The following ALDH1A2 variants were observed in gnomAD, a reference collection of about 807,000 sequenced individuals.
ALDH1A2 encodes aldehyde dehydrogenase 1 family member A2.
A neutral mutation model predicts 60.3 loss-of-function variants in ALDH1A2; 27 were observed. That is an observed-to-expected ratio of 0.45 (90% CI 0.33 to 0.62). The LOEUF (loss-of-function observed/expected upper bound fraction) is 0.62. Ranked by LOEUF, ALDH1A2 falls within the 20% of genes least tolerant of loss-of-function variation. The pLI is 0.02. For missense variants in ALDH1A2, 581 were observed against 643.8 expected (o/e 0.90, Z 1.06); for synonymous variants, 289 against 232.4 (o/e 1.24, Z -2.21).
At chr15:57,975,995 ATAC>A (rs1380475708) in intron 7 of ALDH1A2, among the ~76,000 whole-genome samples, 6 of 152,362 alleles carry the variant, frequency 3.9e-5, no homozygotes, top group African/African-American at 7.2e-5. Context: ...TATATCAATT[ATAC>A]TACAATAAAG....
At chr15:58,014,038 C>T in intron 2 of ALDH1A2, 40 bp from the exon 3 acceptor site, 1 of 1,614,012 alleles carries the variant, frequency 6.2e-7, no homozygotes, top group Non-Finnish European at 8.5e-7. Flanking sequence ...AAAAACACTC[C>T]AAATAAAGGA....
chr15:57,975,360 A>C lies in ALDH1A2; in HGVS notation c.799-9533T>G, dbSNP rs552800244. Among the ~76,000 whole-genome samples, 34 of 152,364 alleles carry C rather than the reference A, an allele frequency of 2.2e-4. No individual in the cohort carries two copies. In the South Asian group the frequency reaches 6.4e-3, roughly 29 times the overall value. ...AAATGGATAAATCCAAATGTTCATC[A>C]TTGGCTGAATGGCTATTAAACCTGA... On this transcript the variant is annotated intron_variant, in intron 7 of 12. Coordinates refer to ENST00000249750, the MANE Select transcript of ALDH1A2 (RefSeq NM_003888.4).
At chr15:58,033,682 CTTT>C (rs5812918) in intron 1 of ALDH1A2, among the ~76,000 whole-genome samples, 25 of 134,510 alleles carry the variant, frequency 1.9e-4, no homozygotes, top group Admixed American at 3.7e-4. Context: ...TGTTAGGACT[CTTT>C]TTTTTTTTTT....
chr15:57,973,881 T>G (rs570933989), intron 7 of ALDH1A2, among the ~76,000 whole-genome samples: 27 of 152,222 alleles, frequency 1.8e-4, no homozygotes, highest in Non-Finnish European at 2.6e-4. Flanking sequence ...AATAGGCTAC[T>G]TAATATTTTA....
At position 57,980,569 on chromosome 15, in the gene ALDH1A2, A is replaced by C. The variant is rs576082502; in HGVS notation, c.798+12136T>G. 1.1e-5 allele frequency: 3 copies of C among 275,432 alleles called. No individual in the cohort carries two copies. In the East Asian group the frequency reaches 3.0e-4, roughly 27 times the overall value. 17.1% of individuals were successfully genotyped at this position (275,432 alleles called of 1,614,324 possible). The stretch of plus-strand genomic sequence containing the variant: ...GAAGCTCTGCCTCCTTCTGGGGGTC[A>C]TATTTGGGCAGGAGCCAGTTCTTGA... On this transcript the variant is annotated intron_variant, in intron 7 of 12. Coordinates refer to ENST00000249750, the MANE Select transcript of ALDH1A2 (RefSeq NM_003888.4).
intron 1 of ALDH1A2, among the ~76,000 whole-genome samples, chr15:58,041,945 C>A (rs983608630): frequency 6.6e-6 from 1 of 151,824 alleles, no homozygotes; most frequent in African/African-American, 2.4e-5. Context: ...GTTATGTAAA[C>A]GTGATGTCTC....
chr15:58,038,737 A>T (rs1410543453), intron 1 of ALDH1A2, among the ~76,000 whole-genome samples: 1 of 151,758 alleles, frequency 6.6e-6, no homozygotes, highest in Non-Finnish European at 1.5e-5. Context: ...ATTGTGGTAG[A>T]AGGCAATGGG....
intron 7 of ALDH1A2, chr15:57,980,218 G>A (rs990057174): frequency 3.1e-6 from 1 of 323,600 alleles, no homozygotes; most frequent in African/African-American, 2.2e-5. Context: ...AGTATTTGAT[G>A]CCAATGTCCA....
intron 9 of ALDH1A2, among the ~76,000 whole-genome samples, chr15:57,962,856 T>C (rs1311475592): frequency 6.6e-6 from 1 of 152,202 alleles, no homozygotes; most frequent in Non-Finnish European, 1.5e-5. Context: ...ACCCATGCTT[T>C]AGTGACCCAT....
At chr15:58,006,217 T>G (rs1895452701) in intron 4 of ALDH1A2, among the ~76,000 whole-genome samples, 1 of 151,898 alleles carries the variant, frequency 6.6e-6, no homozygotes, top group African/African-American at 2.4e-5. Flanking sequence ...GTCTTACGCC[T>G]TTGCATCCTC....
At chr15:58,011,558 C>T (rs904907116) in intron 3 of ALDH1A2, among the ~76,000 whole-genome samples, 8 of 152,142 alleles carry the variant, frequency 5.3e-5, no homozygotes, top group Non-Finnish European at 8.8e-5. Context: ...ATGAAATTAA[C>T]AAACATGTTT....
chr15:58,026,595 G>T (rs1367566011), intron 1 of ALDH1A2, among the ~76,000 whole-genome samples: 1 of 152,198 alleles, frequency 6.6e-6, no homozygotes, highest in Non-Finnish European at 1.5e-5. Context: ...CAAGGGGTCA[G>T]GGGATTTCCC....
At chr15:57,969,967 TCTC>T (rs774867221) in intron 7 of ALDH1A2, among the ~76,000 whole-genome samples, 38 of 152,228 alleles carry the variant, frequency 2.5e-4, no homozygotes, top group African/African-American at 8.2e-4. Context: ...GAAAGCCACT[TCTC>T]CTCCTGGGTC....
intron 7 of ALDH1A2, among the ~76,000 whole-genome samples, chr15:57,986,314 A>G (rs1894698318): frequency 6.6e-6 from 1 of 152,154 alleles, no homozygotes; most frequent in South Asian, 2.1e-4. Flanking sequence ...CTGACCAGAC[A>G]GATAAGAAAG....
chr15:58,027,567 T>C (rs867728120), intron 1 of ALDH1A2, among the ~76,000 whole-genome samples: 20 of 152,102 alleles, frequency 1.3e-4, no homozygotes, highest in Non-Finnish European at 2.2e-4. Context: ...TTGACAGAAG[T>C]AGGCTTCAGA....
At chr15:57,977,423 G>C (rs1894301755) in intron 7 of ALDH1A2, among the ~76,000 whole-genome samples, 1 of 152,202 alleles carries the variant, frequency 6.6e-6, no homozygotes, top group Non-Finnish European at 1.5e-5. Context: ...TTTTGTATAA[G>C]GTGTAAGTAA....
Position 57,954,970 on chromosome 15 carries a change from T to C in ALDH1A2, c.*227A>G, listed in dbSNP as rs1370981609. 3 of 599,350 alleles carry C rather than the reference T, an allele frequency of 5.0e-6. No individual in the cohort carries two copies. Among genetic ancestry groups the C allele is most frequent in the Non-Finnish European group, 3.0e-6 (1 of 334,842 alleles). The allele number at this position is 599,350 out of a possible 1,614,324, so 37.1% of individuals were successfully genotyped here. On this transcript the variant is annotated 3_prime_UTR_variant, in exon 13 of 13. Transcript: ENST00000249750. ...GCTCCTCCTCCTCCCTTTATCCCAC[T>C]TTCCCCAATATTTGGTATGATTAAG...
At chr15:58,048,501 T>A (rs551925846) in intron 1 of ALDH1A2, among the ~76,000 whole-genome samples, 35 of 152,186 alleles carry the variant, frequency 2.3e-4, no homozygotes, top group African/African-American at 8.4e-4. Flanking sequence ...CAGCCTTTGA[T>A]GGACAAGGCC....
intron 4 of ALDH1A2, among the ~76,000 whole-genome samples, chr15:58,005,459 G>A (rs554568965): frequency 6.6e-6 from 1 of 152,090 alleles, no homozygotes; most frequent in East Asian, 1.9e-4. Context: ...CTGAATAAAT[G>A]AATGTATGAA....
Sources: gnomAD v4.1 joint callset for allele counts (sites outside exome capture counted in the v4.1 genomes callset) on GRCh38, gnomAD v4.1.1 for gene constraint, MANE v1.5 for transcripts, NCBI Gene and HGNC (gene_info 2026-07-23, HGNC 2026-07-21) for gene names.